Variants in DOCK3 observed in about 807,000 individuals in gnomAD.
DOCK3 encodes dedicator of cytokinesis protein 3.
Under a neutral mutation model 265.6 loss-of-function variants are expected in DOCK3, and 60 were observed. That is an observed-to-expected ratio of 0.23 (90% CI 0.18 to 0.28). DOCK3 has a LOEUF of 0.28. DOCK3 is among the 10% of genes least tolerant of loss of function. DOCK3 has a pLI of 1.00. For missense variants in DOCK3, 1,981 were observed against 2,594.3 expected, an observed-to-expected ratio of 0.76 and a Z score of 5.14; for synonymous variants, 881 against 938.0, an observed-to-expected ratio of 0.94 and a Z score of 1.11.
rs184620221 is a variant in DOCK3, at chr3:51,312,623, G to A, written c.3194+47G>A. 4.3e-3 allele frequency: 6,507 copies of A among 1,500,524 alleles called. 15 individuals carry two copies. The highest frequency in any genetic ancestry group is 5.1e-3 in the Non-Finnish European group (5,646 of 1,113,120). 93.0% of individuals were successfully genotyped at this position (1,500,524 alleles called of 1,614,324 possible). ...CATCTCCTTACCACTTGGCCAAATA[G>A]GGCTATGTTTCGTTGAGAGTTCTTT... On this transcript the variant is annotated intron_variant, in intron 30 of 52. Transcript: ENST00000266037.
chr3:50,706,419 A>G (rs755414794), intron 1 of DOCK3, among the ~76,000 whole-genome samples: 29 of 152,270 alleles, frequency 1.9e-4, no homozygotes, highest in East Asian at 3.9e-4. Flanking sequence ...ATATCATTCT[A>G]TTCTCTCCAG....
chr3:51,228,387 TG>T (rs1231593080), intron 17 of DOCK3, among the ~76,000 whole-genome samples: 1 of 152,222 alleles, frequency 6.6e-6, no homozygotes, highest in Non-Finnish European at 1.5e-5. Context: ...ACCTGCTATT[TG>T]AGATCATGGT....
intron 5 of DOCK3, among the ~76,000 whole-genome samples, chr3:50,973,134 T>C (rs1381559022): frequency 4.1e-5 from 6 of 147,476 alleles, no homozygotes; most frequent in Non-Finnish European, 9.0e-5. Flanking sequence ...TAGTTTTCTT[T>C]TTTTTTTTCT....
Position 50,999,133 on chromosome 3 carries a change from C to T in DOCK3, c.315+65056C>T, listed in dbSNP as rs375148772. On this transcript the variant is annotated intron_variant, in intron 5 of 52. Coordinates refer to ENST00000266037, the MANE Select transcript of DOCK3 (RefSeq NM_004947.5). Reference sequence around the variant, plus strand: ...CTAAAGAGTTTTACTGCTATAAAACCGTAGAAATAATGCCACAAATGCATA... The same window carrying T: ...CTAAAGAGTTTTACTGCTATAAAACTGTAGAAATAATGCCACAAATGCATA... 5.3e-5 allele frequency among the ~76,000 whole-genome samples: 8 copies of T among 152,056 alleles called. No homozygotes were observed. In the East Asian group the frequency reaches 5.8e-4, roughly 11 times the overall value.
Position 51,229,534 on chromosome 3 carries a change from G to A in DOCK3, c.1842G>A (p.Lys614=). The A allele has an allele frequency of 6.2e-7, 1 of 1,607,670 alleles. No homozygotes were observed. Among genetic ancestry groups the A allele is most frequent in the Non-Finnish European group, 8.5e-7 (1 of 1,176,958 alleles). ...TQNVDLLALL[K]WKAFPDRIMD... is the part of the protein sequence containing the mutation. ...TAGTGGACCTCCTAGCTCTGCTGAA[G>A]TGGAAAGCCTTCCCCGACCGGATCA... Residue 614 remains lysine, a synonymous_variant, in exon 19 of 53, where the codon AAG becomes AAA. Transcript: ENST00000266037.
At chr3:50,996,553 C>T (rs2078291401) in intron 5 of DOCK3, among the ~76,000 whole-genome samples, 2 of 152,070 alleles carry the variant, frequency 1.3e-5, no homozygotes, top group South Asian at 4.2e-4. Flanking sequence ...TCCTTCTTCT[C>T]TACGTATATG....
At chr3:51,362,773 T>A in intron 49 of DOCK3, 99 bp downstream of exon 49, 1 of 1,472,258 alleles carries the variant, frequency 6.8e-7, no homozygotes, top group South Asian at 1.3e-5. Flanking sequence ...TGAGCAGCCC[T>A]GTGACTTAGA....
At chr3:50,846,186 A>T (rs578128258) in intron 3 of DOCK3, among the ~76,000 whole-genome samples, 1 of 152,326 alleles carries the variant, frequency 6.6e-6, no homozygotes, top group African/African-American at 2.4e-5. Flanking sequence ...AAAAAGACTA[A>T]TGGAGGTCAT....
intron 49 of DOCK3, among the ~76,000 whole-genome samples, chr3:51,364,247 G>T (rs1165026795): frequency 5.9e-5 from 9 of 152,196 alleles, no homozygotes; most frequent in Admixed American, 5.9e-4. Context: ...GTGATGATGA[G>T]CATTTTTTCA....
At chr3:50,813,294 C>T (rs2043871735) in intron 2 of DOCK3, among the ~76,000 whole-genome samples, 2 of 152,136 alleles carry the variant, frequency 1.3e-5, no homozygotes, top group Non-Finnish European at 2.9e-5. Flanking sequence ...AGCACTTTGG[C>T]ACACTGAGGC....
At chr3:50,792,880 T>A (rs755749758) in intron 2 of DOCK3, among the ~76,000 whole-genome samples, 1 of 152,140 alleles carries the variant, frequency 6.6e-6, no homozygotes, top group Non-Finnish European at 1.5e-5. Context: ...GATATTGGCC[T>A]GTTCTCTGCC....
At chr3:51,012,964 C>T (rs1471946755) in intron 5 of DOCK3, among the ~76,000 whole-genome samples, 1 of 152,106 alleles carries the variant, frequency 6.6e-6, no homozygotes, top group African/African-American at 2.4e-5. Flanking sequence ...GTGTGTGTGT[C>T]ACATAGTTCT....
chr3:51,290,592 A>T (rs943622399), intron 27 of DOCK3, among the ~76,000 whole-genome samples: 4 of 152,064 alleles, frequency 2.6e-5, no homozygotes, highest in African/African-American at 9.7e-5. Flanking sequence ...GTAAATGACG[A>T]GTTAATGGGT....
chr3:51,287,946 A>G (rs1029004282), intron 27 of DOCK3, among the ~76,000 whole-genome samples: 5 of 152,252 alleles, frequency 3.3e-5, no homozygotes, highest in African/African-American at 1.2e-4. Context: ...TTGGAATACT[A>G]CACAGCCATT....
At chr3:50,758,740 C>T (rs546484657) in intron 1 of DOCK3, among the ~76,000 whole-genome samples, 11 of 152,094 alleles carry the variant, frequency 7.2e-5, no homozygotes, top group Middle Eastern at 3.2e-3. Flanking sequence ...TTGAGCACTC[C>T]GGGAACAATG....
chr3:50,707,171 C>G (rs2036463324), intron 1 of DOCK3, among the ~76,000 whole-genome samples: 1 of 151,988 alleles, frequency 6.6e-6, no homozygotes, highest in Non-Finnish European at 1.5e-5. Flanking sequence ...ACCTGTGGAA[C>G]TGTGAGCCAG....
At chr3:51,110,832 G>A (rs1171277115) in intron 9 of DOCK3, among the ~76,000 whole-genome samples, 2 of 148,520 alleles carry the variant, frequency 1.3e-5, no homozygotes, top group African/African-American at 4.8e-5. Context: ...CCTGACCAGA[G>A]CAATTAGGGA....
chr3:50,851,333 C>G (rs562262566), intron 3 of DOCK3, among the ~76,000 whole-genome samples: 3 of 152,252 alleles, frequency 2.0e-5, no homozygotes, highest in African/African-American at 4.8e-5. Flanking sequence ...GCCTGGAGAT[C>G]TGCTTGGGTG....
At chr3:51,004,537 T>C (rs1275493852) in intron 5 of DOCK3, among the ~76,000 whole-genome samples, 2 of 152,032 alleles carry the variant, frequency 1.3e-5, no homozygotes, top group Non-Finnish European at 2.9e-5. Flanking sequence ...ATAAGTATGG[T>C]AGAGATTGTG....
Sources: gnomAD v4.1 joint callset for allele counts (sites outside exome capture counted in the v4.1 genomes callset) on GRCh38, gnomAD v4.1.1 for gene constraint, MANE v1.5 for transcripts, NCBI Gene and HGNC (gene_info 2026-07-23, HGNC 2026-07-21) for gene names.